The following WDR4 variants were observed in gnomAD, a reference collection of about 807,000 sequenced individuals.
WDR4 encodes tRNA (guanine-N(7)-)-methyltransferase non-catalytic subunit WDR4.
In WDR4, 47 loss-of-function variants were observed where a neutral mutation model predicts 48.6. The observed-to-expected ratio is 0.97, with a 90% confidence interval of 0.77 to 1.23. The LOEUF is 1.23. Ranked by LOEUF, WDR4 falls within the 50% of genes most tolerant of loss-of-function variation. The probability of loss-of-function intolerance (pLI) is 0.00; values close to 1 mark genes in which losing one functional copy is unlikely to be tolerated. For synonymous variants in WDR4, 268 were observed against 230.0 expected (o/e 1.17, Z -1.49); for missense variants, 606 against 551.6 (o/e 1.10, Z -0.99).
the WDR4 span, among the ~76,000 whole-genome samples, chr21:42,887,460 A>T: frequency 7.9e-5 from 12 of 152,102 alleles, no homozygotes; most frequent in Non-Finnish European, 1.5e-5. Flanking sequence ...TTGTTACTGC[A>T]ATATGCAATT....
intron 3 of WDR4, among the ~76,000 whole-genome samples, chr21:42,863,963 C>T (rs1244795969): frequency 1.2e-5 from 1 of 83,106 alleles, no homozygotes; most frequent in Non-Finnish European, 2.3e-5. Context: ...AAAAATTAGC[C>T]AGGCGTGGTG....
At chr21:42,879,317 C>A in intron 1 of WDR4, 90 bp downstream of exon 1, 2 of 1,548,290 alleles carry the variant, frequency 1.3e-6, no homozygotes, top group African/African-American at 1.4e-5. Context: ...AGAGTGGGTG[C>A]GACCAGGCGG....
intron 7 of WDR4, 75 bp from the exon 8 acceptor site, chr21:42,854,701 G>A (rs1006153868): frequency 2.1e-6 from 3 of 1,454,460 alleles, no homozygotes; most frequent in Non-Finnish European, 2.8e-6. Context: ...TCCAACAAGA[G>A]CAAGACCGAA....
In WDR4 at chr21:42,863,881, T is replaced by C. The variant is rs529653804; in HGVS notation, c.297-285A>G. Among the ~76,000 whole-genome samples the C allele has an allele frequency of 9.2e-4, 132 of 143,556 alleles. 1 individual carries two copies. The highest frequency in any genetic ancestry group is 1.3e-3 in the Non-Finnish European group (87 of 66,252). 94.2% of individuals were successfully genotyped at this position (143,556 alleles called of 152,430 possible). On this transcript the variant is annotated intron_variant, in intron 3 of 10. Coordinates refer to ENST00000398208, the MANE Select transcript of WDR4 (RefSeq NM_018669.6). ...CAGCACTTTGGGAGGCCGAGGTGGG[T>C]GGATCACAAGGTCAGGAGATTGAGA... is the stretch of plus-strand genomic sequence containing the variant.
chr21:42,847,360 C>T (rs973897434), downstream of WDR4, among the ~76,000 whole-genome samples: 3 of 152,214 alleles, frequency 2.0e-5, no homozygotes, highest in Non-Finnish European at 4.4e-5. Context: ...TCTGGGATGA[C>T]TTCGGGCAGG....
chr21:42,879,597 A>AC, upstream of WDR4: 3 of 1,388,214 alleles, frequency 2.2e-6, no homozygotes, highest in South Asian at 2.5e-5. Flanking sequence ...GATGACGTAT[A>AC]CCCCACGTAC....
chr21:42,852,482 C>T (rs1176540889), intron 9 of WDR4, among the ~76,000 whole-genome samples, 158 bp from the exon 10 acceptor site: 1 of 152,240 alleles, frequency 6.6e-6, no homozygotes, highest in African/African-American at 2.4e-5. Context: ...GGGGAGGCAG[C>T]CCCCGCAGCT....
At chr21:42,848,671 CCTCA>C (rs766601762), downstream of WDR4, among the ~76,000 whole-genome samples, 15 of 121,568 alleles carry the variant, frequency 1.2e-4, no homozygotes, top group South Asian at 3.0e-4. Flanking sequence ...GCGGCGCGCA[CCTCA>C]CTCACACAGC....
chr21:42,860,677 G>A (rs990827403), intron 5 of WDR4, among the ~76,000 whole-genome samples: 1 of 152,278 alleles, frequency 6.6e-6, no homozygotes, highest in Non-Finnish European at 1.5e-5. Context: ...AGGACGCCCC[G>A]TGCAGAGGGC....
chr21:42,850,839 C>T lies in WDR4; in HGVS notation c.1046-597G>A, dbSNP rs201493704. ...TGGACACGGATTTCATCTACTTTATCTAAGTGCCAAGGATTGGGGGCAATG... is the reference window on the plus strand; with the variant it reads ...TGGACACGGATTTCATCTACTTTATTTAAGTGCCAAGGATTGGGGGCAATG... On this transcript the variant is annotated intron_variant, in intron 10 of 10. Transcript: ENST00000398208. Among the ~76,000 whole-genome samples, 7 of 152,322 alleles carry T rather than the reference C, an allele frequency of 4.6e-5. No homozygotes were observed. The South Asian group carries it at 8.3e-4, about 18-fold the overall frequency.
chr21:42,873,248 T>C (rs935980799), intron 3 of WDR4, among the ~76,000 whole-genome samples: 11 of 152,162 alleles, frequency 7.2e-5, no homozygotes, highest in Non-Finnish European at 1.5e-4. Context: ...ACCAACACTG[T>C]AGGTGGAGGG....
downstream of WDR4, among the ~76,000 whole-genome samples, chr21:42,844,631 G>A (rs1407926788): frequency 2.6e-5 from 4 of 152,162 alleles, no homozygotes; most frequent in Non-Finnish European, 4.4e-5. Context: ...ATGATGTGCC[G>A]GGTGGTGCAG....
rs540426597 is a variant in WDR4 at position 42,849,297 on chromosome 21, G to A, written c.*752C>T. ...TTGAGAAGGTTCATCCTTGCTGATCGGTGATTGAAATTCAGCAACATCCCT... is the reference window on the plus strand; with the variant it reads ...TTGAGAAGGTTCATCCTTGCTGATCAGTGATTGAAATTCAGCAACATCCCT... On this transcript the variant is annotated 3_prime_UTR_variant, in exon 11 of 11. Coordinates refer to ENST00000398208, the MANE Select transcript of WDR4 (RefSeq NM_018669.6). 2 of 152,352 alleles carry A rather than the reference G, an allele frequency of 1.3e-5. No homozygotes were observed. Among genetic ancestry groups the A allele is most frequent in the African/African-American group, 4.8e-5 (2 of 41,418 alleles). The allele number at this position is 152,352 out of a possible 1,614,324, so 9.4% of individuals were successfully genotyped here. A position where few individuals can be genotyped will look rare whatever the true frequency, so the allele number is the denominator to read the frequency against.
chr21:42,853,761 G>T lies in WDR4; in HGVS notation c.792-9C>A. 1.9e-6 allele frequency: 3 copies of T among 1,547,938 alleles called. No individual in the cohort carries two copies. Among genetic ancestry groups the T allele is most frequent in the Non-Finnish European group, 2.6e-6 (3 of 1,146,552 alleles). On this transcript the variant is annotated splice_polypyrimidine_tract_variant and intron_variant, in intron 8 of 10. Transcript: ENST00000398208. ...TGTAGACCACAGGAGTGCTTGCCAC[G>T]AAGAAAGAGAGCATGATTACTAGGA... is the stretch of plus-strand genomic sequence containing the variant.
At chr21:42,871,887 CAT>C (rs747663031) in intron 3 of WDR4, among the ~76,000 whole-genome samples, 5 of 152,168 alleles carry the variant, frequency 3.3e-5, no homozygotes, top group Admixed American at 6.5e-5. Flanking sequence ...CACAAAAACA[CAT>C]AGAGTAGAAA....
chr21:42,860,342 C>T (rs539066710), intron 5 of WDR4, among the ~76,000 whole-genome samples: 2 of 152,348 alleles, frequency 1.3e-5, no homozygotes, highest in East Asian at 3.9e-4. Context: ...CTCAAAGTCA[C>T]AGGGACCCTC....
At position 42,849,793 on chromosome 21, in the gene WDR4, G is replaced by T; in HGVS notation, c.*256C>A. The T allele has an allele frequency of 9.1e-6, 4 of 438,964 alleles. No individual in the cohort carries two copies. The highest frequency in any genetic ancestry group is 1.6e-5 in the Non-Finnish European group (4 of 249,382). 27.2% of individuals were successfully genotyped at this position (438,964 alleles called of 1,614,324 possible). A position where few individuals can be genotyped will look rare whatever the true frequency, so the allele number is the denominator to read the frequency against. On this transcript the variant is annotated 3_prime_UTR_variant, in exon 11 of 11. Transcript: ENST00000398208. ...CCGGCTCACACGCAGCCTCCGACAT[G>T]AAAAGAAAGTGCTTCAAGAGCTTCC...
intron 9 of WDR4, among the ~76,000 whole-genome samples, chr21:42,852,807 C>T (rs1222840443): frequency 3.3e-5 from 5 of 151,756 alleles, no homozygotes; most frequent in South Asian, 4.2e-4. Flanking sequence ...CCCAGCTACT[C>T]GGGAGGCTGA....
upstream of WDR4, among the ~76,000 whole-genome samples, chr21:42,883,238 G>A (rs994905734): frequency 2.1e-5 from 3 of 142,082 alleles, no homozygotes; most frequent in African/African-American, 8.0e-5. Context: ...TTGCGCCACT[G>A]CACTCCAACC....
Sources: allele counts gnomAD v4.1 joint callset (sites outside exome capture counted in the v4.1 genomes callset), GRCh38; gene constraint gnomAD v4.1.1; transcripts MANE v1.5; gene names NCBI Gene and HGNC (gene_info 2026-07-23, HGNC 2026-07-21).